The following ANKRD30B variants were observed in gnomAD, a reference collection of about 807,000 sequenced individuals.
ANKRD30B encodes the protein ankyrin repeat domain-containing protein 30B.
Under a neutral mutation model 202.2 loss-of-function variants are expected in ANKRD30B, and 144 were observed. The observed-to-expected ratio is 0.71, with a 90% CI of 0.62 to 0.82. The LOEUF (loss-of-function observed/expected upper bound fraction) is 0.82, where lower values mean the gene tolerates loss of function less well. Ranked by LOEUF, ANKRD30B falls within the 40% of genes least tolerant of loss-of-function variation. The probability of loss-of-function intolerance (pLI) is 0.00; values close to 1 mark genes in which losing one functional copy is unlikely to be tolerated. For synonymous variants in ANKRD30B, 508 were observed against 561.3 expected, an observed-to-expected ratio of 0.91 and a Z score of 1.34; for missense variants, 1,487 against 1,669.1, an observed-to-expected ratio of 0.89 and a Z score of 1.90.
the ANKRD30B span, among the ~76,000 whole-genome samples, chr18:14,888,126 A>G: frequency 6.6e-6 from 1 of 151,982 alleles, no homozygotes; most frequent in East Asian, 1.9e-4. Flanking sequence ...TTGTTAAATT[A>G]TCTATTTTAT....
chr18:14,910,915 G>A, the ANKRD30B span, among the ~76,000 whole-genome samples: 1 of 152,090 alleles, frequency 6.6e-6, no homozygotes, highest in Non-Finnish European at 1.5e-5. Flanking sequence ...TTGGCAACTT[G>A]TATGTCTTCC....
rs1295681875 is a variant in ANKRD30B, at chr18:14,748,316, G to A, written c.-104G>A. The A allele has an allele frequency of 3.1e-6, 3 of 969,258 alleles. No individual in the cohort carries two copies. In the Admixed American group the frequency reaches 9.8e-5, roughly 32 times the overall value. 60.0% of individuals were successfully genotyped at this position (969,258 alleles called of 1,614,324 possible). A position where few individuals can be genotyped will look rare whatever the true frequency, so the allele number is the denominator to read the frequency against. On this transcript the variant is annotated 5_prime_UTR_variant, in exon 1 of 44. Transcript: ENST00000690538. ...ACTGAAGACGGGCGAGTGCGAGCCG[G>A]GGGCGGGTGCTGGGGAAGGGTAAGC...
Position 14,769,455 on chromosome 18 carries a change from A to G in ANKRD30B, c.1256+82A>G. The G allele has an allele frequency of 4.5e-6, 5 of 1,106,218 alleles. No individual in the cohort carries two copies. In the Admixed American group the frequency reaches 1.1e-4, roughly 25 times the overall value. The allele number at this position is 1,106,218 out of a possible 1,614,324, so 68.5% of individuals were successfully genotyped here. A position where few individuals can be genotyped will look rare whatever the true frequency, so the allele number is the denominator to read the frequency against. ...GAAATCACTATCTGCTGAGTATTCT[A>G]CTCTGGGCTAGACAACATATTATGT... On this transcript the variant is annotated intron_variant, in intron 8 of 43. Coordinates refer to ENST00000690538, the MANE Select transcript of ANKRD30B (RefSeq NM_001367607.2).
At chr18:14,783,841 A>G (rs1284284720) in intron 12 of ANKRD30B, among the ~76,000 whole-genome samples, 1 of 152,110 alleles carries the variant, frequency 6.6e-6, no homozygotes, top group Non-Finnish European at 1.5e-5. Context: ...GAAAACAGTG[A>G]ATATTTATAT....
chr18:14,862,500 G>C, the ANKRD30B span, among the ~76,000 whole-genome samples: 1 of 152,146 alleles, frequency 6.6e-6, no homozygotes, highest in African/African-American at 2.4e-5. Context: ...GCATAAACTA[G>C]AAAACCTAGA....
At chr18:14,778,956 G>T (rs1967552562) in intron 10 of ANKRD30B, among the ~76,000 whole-genome samples, 1 of 152,122 alleles carries the variant, frequency 6.6e-6, no homozygotes, top group Non-Finnish European at 1.5e-5. Flanking sequence ...GGTAATTACA[G>T]ATGTCAGATA....
chr18:14,836,679 C>T (rs1022223088), intron 34 of ANKRD30B, among the ~76,000 whole-genome samples: 2 of 152,102 alleles, frequency 1.3e-5, no homozygotes, highest in Admixed American at 1.3e-4. Context: ...TGATATATAT[C>T]TTATATGGTT....
At chr18:14,911,823 A>C in the ANKRD30B span, among the ~76,000 whole-genome samples, 1 of 152,036 alleles carries the variant, frequency 6.6e-6, no homozygotes, top group Non-Finnish European at 1.5e-5. Context: ...TAATTCTCCT[A>C]ATAGGGATAT....
chr18:14,887,995 C>G, the ANKRD30B span, among the ~76,000 whole-genome samples: 45 of 152,152 alleles, frequency 3.0e-4, no homozygotes, highest in Non-Finnish European at 2.4e-4. Flanking sequence ...TCATCAATCA[C>G]TGTTGCTATC....
At chr18:14,931,611 G>A in the ANKRD30B span, among the ~76,000 whole-genome samples, 1 of 152,162 alleles carries the variant, frequency 6.6e-6, no homozygotes, top group African/African-American at 2.4e-5. Context: ...GGGTGTGGGA[G>A]GCTCCAGGAA....
intron 9 of ANKRD30B, among the ~76,000 whole-genome samples, chr18:14,775,299 G>A (rs1454168906): frequency 6.6e-6 from 1 of 152,228 alleles, no homozygotes; most frequent in Non-Finnish European, 1.5e-5. Flanking sequence ...AAGGCACTAG[G>A]AATCTATTTA....
At chr18:14,867,922 C>T in the ANKRD30B span, among the ~76,000 whole-genome samples, 2 of 152,356 alleles carry the variant, frequency 1.3e-5, no homozygotes, top group Admixed American at 1.3e-4. Flanking sequence ...GCATTGTCTG[C>T]CCAGCTGCTC....
chr18:14,890,834 G>A, the ANKRD30B span, among the ~76,000 whole-genome samples: 18 of 150,688 alleles, frequency 1.2e-4, no homozygotes, highest in African/African-American at 4.4e-4. Context: ...TTATGAATCC[G>A]GTTTATATAA....
At position 14,854,317 on chromosome 18, in the gene ANKRD30B, A is replaced by T. The variant is rs372646386; in HGVS notation, c.*159A>T. Among the ~76,000 whole-genome samples the T allele has an allele frequency of 9.2e-5, 14 of 152,330 alleles. 2 individuals carry two copies. Among genetic ancestry groups the T allele is most frequent in the Admixed American group, 3.9e-4 (6 of 15,304 alleles). On this transcript the variant is annotated 3_prime_UTR_variant, in exon 44 of 44. Transcript: ENST00000690538. Reference sequence around the variant, plus strand: ...TCCCAAGATAGGATGTACAGAACTAAAATGATAAAAGTCATATAACAATGG... The same window carrying T: ...TCCCAAGATAGGATGTACAGAACTATAATGATAAAAGTCATATAACAATGG...
chr18:14,787,030 CT>C lies in ANKRD30B; in HGVS notation c.1673-5del, dbSNP rs748687404. ...TCTCATGAATACATCTGTGATTAAC[CT>C]TTTATAGCTCAGATGTTCCCATCAG... On this transcript the variant is annotated splice_polypyrimidine_tract_variant and splice_region_variant and intron_variant, in intron 14 of 43. Coordinates refer to ENST00000690538, the MANE Select transcript of ANKRD30B (RefSeq NM_001367607.2). 1 of 1,605,350 alleles carries C rather than the reference CT, an allele frequency of 6.2e-7. No individual in the cohort carries two copies. The highest frequency in any genetic ancestry group is 8.5e-7 in the Non-Finnish European group (1 of 1,175,434).
chr18:14,867,810 G>A, the ANKRD30B span, among the ~76,000 whole-genome samples: 3 of 152,202 alleles, frequency 2.0e-5, no homozygotes, highest in East Asian at 3.9e-4. Flanking sequence ...GAGGGTGGGT[G>A]TGAGAGCCTT....
chr18:14,753,199 T>C (rs1207304192), intron 3 of ANKRD30B, among the ~76,000 whole-genome samples, 187 bp downstream of exon 3: 1 of 152,200 alleles, frequency 6.6e-6, no homozygotes, highest in Non-Finnish European at 1.5e-5. Context: ...AGTATGGCTT[T>C]TCTGTGCATT....
In ANKRD30B at chr18:14,752,927, C is replaced by T. The variant is rs764893197; in HGVS notation, c.425C>T (p.Ala142Val). ...TATGTAGATGTGTATGGCAACACGGCTCTCCATTATGCCGTTTATAGTGAG... is the reference window on the plus strand; with the variant it reads ...TATGTAGATGTGTATGGCAACACGGTTCTCCATTATGCCGTTTATAGTGAG... ...LNYVDVYGNT[A>V]LHYAVYSENL... The change falls in exon 3 of 44, where the codon GCT becomes GTT. Residue 142 changes from alanine to valine, a missense_variant. By Grantham distance (64) the Ala-to-Val change is moderately conservative. Coordinates refer to ENST00000690538, the MANE Select transcript of ANKRD30B (RefSeq NM_001367607.2). 4 of 1,604,626 alleles carry T rather than the reference C, an allele frequency of 2.5e-6. No homozygotes were observed. Among genetic ancestry groups the T allele is most frequent in the Non-Finnish European group, 1.7e-6 (2 of 1,174,876 alleles).
At chr18:14,860,078 AAT>A in the ANKRD30B span, among the ~76,000 whole-genome samples, 2 of 103,990 alleles carry the variant, frequency 1.9e-5, no homozygotes, top group Non-Finnish European at 3.9e-5. Context: ...CCTCCCAGAC[AAT>A]GGGCGGCCAG....
Sources: allele counts gnomAD v4.1 joint callset (sites outside exome capture counted in the v4.1 genomes callset), GRCh38; gene constraint gnomAD v4.1.1; transcripts MANE v1.5; gene names NCBI Gene and HGNC (gene_info 2026-07-23, HGNC 2026-07-21).